Variants in KCNH7 observed in about 807,000 individuals in gnomAD.
KCNH7 encodes voltage-gated inwardly rectifying potassium channel KCNH7.
In KCNH7, 49 loss-of-function variants were observed where a neutral mutation model predicts 120.8. The observed-to-expected ratio is 0.41, with a 90% CI of 0.32 to 0.51. The LOEUF is 0.51. KCNH7 is among the 20% of genes least tolerant of loss of function. The pLI, the probability that KCNH7 is intolerant of heterozygous loss-of-function variation, is 0.38. For missense variants in KCNH7, 1,097 were observed against 1,446.6 expected (o/e 0.76, Z 3.92); for synonymous variants, 547 against 516.1 (o/e 1.06, Z -0.81).
At chr2:162,712,618 CT>C (rs1330694350) in intron 2 of KCNH7, among the ~76,000 whole-genome samples, 1 of 151,840 alleles carries the variant, frequency 6.6e-6, no homozygotes, top group Non-Finnish European at 1.5e-5. Flanking sequence ...ACAATTCGGT[CT>C]CAAAATGTTC....
At chr2:162,427,402 T>C (rs1053597446) in intron 8 of KCNH7, among the ~76,000 whole-genome samples, 7 of 152,054 alleles carry the variant, frequency 4.6e-5, no homozygotes, top group African/African-American at 1.7e-4. Flanking sequence ...ATTTTAACCA[T>C]TGTAGTGTGT....
At chr2:162,469,526 G>A (rs1689423649) in intron 6 of KCNH7, among the ~76,000 whole-genome samples, 1 of 152,094 alleles carries the variant, frequency 6.6e-6, no homozygotes, top group South Asian at 2.1e-4. Flanking sequence ...ATGTGCTTTT[G>A]GTTTTTGTTT....
At position 162,439,739 on chromosome 2, in the gene KCNH7, T is replaced by C. The variant is rs568936101; in HGVS notation, c.1555-4142A>G. The stretch of plus-strand genomic sequence containing the variant: ...ACTTTAAAAACACATCCACATCCAC[T>C]GTTTACTAAAGCCCTAGATGCCTTC... On this transcript the variant is annotated intron_variant, in intron 7 of 15. Coordinates refer to ENST00000332142, the MANE Select transcript of KCNH7 (RefSeq NM_033272.4). 5.3e-5 allele frequency among the ~76,000 whole-genome samples: 8 copies of C among 152,156 alleles called. No homozygotes were observed. In the East Asian group the frequency reaches 1.5e-3, roughly 29 times the overall value.
At chr2:162,399,603 T>C (rs1386348195) in intron 10 of KCNH7, among the ~76,000 whole-genome samples, 1 of 151,894 alleles carries the variant, frequency 6.6e-6, no homozygotes, top group Non-Finnish European at 1.5e-5. Flanking sequence ...ATGTGTTTTC[T>C]TTTGCACCCA....
rs190354230 is a variant in KCNH7 at position 162,828,539 on chromosome 2, T to A, written c.307+7998A>T. On this transcript the variant is annotated intron_variant, in intron 2 of 15. Coordinates refer to ENST00000332142, the MANE Select transcript of KCNH7 (RefSeq NM_033272.4). Reference sequence around the variant, plus strand: ...AAAATGCAAAAGAATTAATGTCCTATCAAAATTAAGAAAGAATGATACATA... The same window carrying A: ...AAAATGCAAAAGAATTAATGTCCTAACAAAATTAAGAAAGAATGATACATA... 5.8e-4 allele frequency among the ~76,000 whole-genome samples: 88 copies of A among 151,686 alleles called. 1 individual carries two copies. The highest frequency in any genetic ancestry group is 1.6e-3 in the Admixed American group (25 of 15,224).
At chr2:162,456,217 G>A (rs981755161) in intron 6 of KCNH7, among the ~76,000 whole-genome samples, 1 of 152,054 alleles carries the variant, frequency 6.6e-6, no homozygotes, top group African/African-American at 2.4e-5. Flanking sequence ...TCAGGAGCAG[G>A]TTGTTCAATT....
chr2:162,771,616 C>G (rs755045700), intron 2 of KCNH7, among the ~76,000 whole-genome samples: 1 of 152,044 alleles, frequency 6.6e-6, no homozygotes, highest in Non-Finnish European at 1.5e-5. Flanking sequence ...TTATAATAAA[C>G]TTTAATATGA....
intron 13 of KCNH7, among the ~76,000 whole-genome samples, chr2:162,381,354 A>T (rs1278892536): frequency 6.6e-6 from 1 of 152,134 alleles, no homozygotes; most frequent in Admixed American, 6.6e-5. Flanking sequence ...TGATTTTAGA[A>T]ATAGGAAACA....
chr2:162,742,241 T>A (rs556260540), intron 2 of KCNH7, among the ~76,000 whole-genome samples: 1 of 152,302 alleles, frequency 6.6e-6, no homozygotes, highest in South Asian at 2.1e-4. Flanking sequence ...GTCATAAGAA[T>A]GACACGAAGA....
At chr2:162,546,222 C>A (rs74886314) in intron 2 of KCNH7, among the ~76,000 whole-genome samples, 8 of 151,806 alleles carry the variant, frequency 5.3e-5, no homozygotes, top group Non-Finnish European at 1.5e-5. Flanking sequence ...AAGCTGAGGC[C>A]GATTTGCGGT....
chr2:162,669,927 C>T (rs1176358539), intron 2 of KCNH7, among the ~76,000 whole-genome samples: 2 of 151,830 alleles, frequency 1.3e-5, no homozygotes, highest in Non-Finnish European at 2.9e-5. Flanking sequence ...TGGTGAAACC[C>T]TGTCTCTACT....
chr2:162,470,075 C>T (rs1419091726), intron 6 of KCNH7, among the ~76,000 whole-genome samples: 4 of 152,204 alleles, frequency 2.6e-5, no homozygotes, highest in Admixed American at 1.3e-4. Flanking sequence ...ATCTCCCAGC[C>T]GCCTGCCTTG....
At position 162,630,953 on chromosome 2, in the gene KCNH7, T is replaced by A. The variant is rs193202196; in HGVS notation, c.308-93873A>T. Among the ~76,000 whole-genome samples the A allele has an allele frequency of 5.0e-4, 76 of 152,172 alleles. 2 individuals are homozygous for A. In the South Asian group the frequency reaches 9.1e-3, roughly 18 times the overall value. ...GCTGGGAGAGTCCTGGCATGGCTGC[T>A]GTGGTTCTGAGGTTCCCTATCTGTC... is the stretch of plus-strand genomic sequence containing the variant. On this transcript the variant is annotated intron_variant, in intron 2 of 15. Coordinates refer to ENST00000332142, the MANE Select transcript of KCNH7 (RefSeq NM_033272.4).
chr2:162,741,636 A>C lies in KCNH7; in HGVS notation c.307+94901T>G, dbSNP rs935043591. Reference sequence around the variant, plus strand: ...TCTACATGTCAAGTATGAACATGTCAGCTTTTATAATGTTTAATATTTCCC... The same window carrying C: ...TCTACATGTCAAGTATGAACATGTCCGCTTTTATAATGTTTAATATTTCCC... On this transcript the variant is annotated intron_variant, in intron 2 of 15. Transcript: ENST00000332142. Among the ~76,000 whole-genome samples, 5 of 152,224 alleles carry C rather than the reference A, an allele frequency of 3.3e-5. No homozygotes were observed. The South Asian group carries it at 1.0e-3, about 32-fold the overall frequency.
intron 2 of KCNH7, among the ~76,000 whole-genome samples, chr2:162,834,814 C>T (rs1655373218): frequency 6.6e-6 from 1 of 152,074 alleles, no homozygotes; most frequent in African/African-American, 2.4e-5. Context: ...AAAGATATAC[C>T]TAGTATTTGA....
chr2:162,444,584 A>C (rs921921744), intron 7 of KCNH7, among the ~76,000 whole-genome samples: 5 of 152,184 alleles, frequency 3.3e-5, no homozygotes, highest in Non-Finnish European at 5.9e-5. Context: ...AGACTTTAAA[A>C]TTTAAAAGAC....
intron 2 of KCNH7, among the ~76,000 whole-genome samples, chr2:162,831,183 C>T (rs988145576): frequency 2.6e-5 from 4 of 151,952 alleles, no homozygotes; most frequent in East Asian, 1.9e-4. Flanking sequence ...TTCCACAAAA[C>T]GGAGATAATA....
At chr2:162,609,924 T>A (rs1486697688) in intron 2 of KCNH7, among the ~76,000 whole-genome samples, 1 of 152,058 alleles carries the variant, frequency 6.6e-6, no homozygotes, top group Non-Finnish European at 1.5e-5. Context: ...AAATCTAAAT[T>A]AAGTCTAATT....
chr2:162,559,176 TAC>T (rs1230648254), intron 2 of KCNH7, among the ~76,000 whole-genome samples: 1 of 152,082 alleles, frequency 6.6e-6, no homozygotes, highest in Non-Finnish European at 1.5e-5. Context: ...TAAAAATTGC[TAC>T]AGTGTTTTTA....
Sources: allele counts gnomAD v4.1 joint callset (sites outside exome capture counted in the v4.1 genomes callset), GRCh38; gene constraint gnomAD v4.1.1; transcripts MANE v1.5; gene names NCBI Gene and HGNC (gene_info 2026-07-23, HGNC 2026-07-21).